CCNJL: variants seen among roughly 807,000 people sequenced by gnomAD.
CCNJL encodes cyclin J like.
Under a neutral mutation model 33.4 loss-of-function variants are expected in CCNJL, and 33 were observed. That is an observed-to-expected ratio of 0.99 (90% CI 0.75 to 1.32). The LOEUF (loss-of-function observed/expected upper bound fraction) is 1.32, where lower values mean the gene tolerates loss of function less well. Ranked by LOEUF, CCNJL falls within the 40% of genes most tolerant of loss-of-function variation. CCNJL has a pLI of 0.00. For missense variants in CCNJL, 512 were observed against 499.7 expected, an observed-to-expected ratio of 1.02 and a Z score of -0.23; for synonymous variants, 227 against 220.9, an observed-to-expected ratio of 1.03 and a Z score of -0.24.
chr5:160,301,123 G>A (rs557975047), intron 2 of CCNJL, among the ~76,000 whole-genome samples: 3 of 152,272 alleles, frequency 2.0e-5, no homozygotes, highest in South Asian at 2.1e-4. Flanking sequence ...AATGGTGCAC[G>A]AGAAGCAACT....
intron 1 of CCNJL, among the ~76,000 whole-genome samples, chr5:160,327,426 C>G (rs569631965): frequency 1.3e-3 from 203 of 152,370 alleles, no homozygotes; most frequent in African/African-American, 4.7e-3. Flanking sequence ...ACCACTGATA[C>G]CTGTTGCACA....
intron 1 of CCNJL, among the ~76,000 whole-genome samples, chr5:160,320,863 T>TTCTC (rs1763440808): frequency 7.1e-6 from 1 of 141,230 alleles, no homozygotes; most frequent in African/African-American, 2.7e-5. Flanking sequence ...CTTTCTTTCT[T>TTCTC]TCTTTCTCTC....
intron 2 of CCNJL, among the ~76,000 whole-genome samples, chr5:160,293,858 G>A (rs1204800202): frequency 6.6e-6 from 1 of 152,022 alleles, no homozygotes; most frequent in Non-Finnish European, 1.5e-5. Context: ...CAACCACTTC[G>A]TAAACAGCTC....
intron 1 of CCNJL, among the ~76,000 whole-genome samples, chr5:160,332,261 T>C (rs1763616176): frequency 1.3e-5 from 2 of 152,174 alleles, no homozygotes; most frequent in Non-Finnish European, 2.9e-5. Context: ...GAGGACACAC[T>C]GGCCATCTGG....
chr5:160,311,151 C>A (rs915988223), intron 2 of CCNJL, among the ~76,000 whole-genome samples: 1 of 152,166 alleles, frequency 6.6e-6, no homozygotes. Flanking sequence ...CAGCCCTTCT[C>A]TCCTTGAGGG....
At chr5:160,337,149 A>G (rs2113486659) in intron 1 of CCNJL, among the ~76,000 whole-genome samples, 1 of 149,810 alleles carries the variant, frequency 6.7e-6, no homozygotes, top group Non-Finnish European at 1.5e-5. Context: ...GGCTACAGGC[A>G]CGTACCACCA....
chr5:160,300,059 C>A (rs998713942), intron 2 of CCNJL, among the ~76,000 whole-genome samples: 1 of 152,092 alleles, frequency 6.6e-6, no homozygotes, highest in Admixed American at 6.6e-5. Context: ...CCTTCCTCCT[C>A]GTGTCCCCCC....
At chr5:160,335,752 T>A (rs1362559566) in intron 1 of CCNJL, among the ~76,000 whole-genome samples, 1 of 148,178 alleles carries the variant, frequency 6.7e-6, no homozygotes, top group Admixed American at 6.7e-5. Context: ...TTTTGAAATT[T>A]TTTTTTTTTT....
chr5:160,291,385 G>A (rs1161212187), intron 2 of CCNJL, among the ~76,000 whole-genome samples: 2 of 152,168 alleles, frequency 1.3e-5, no homozygotes, highest in African/African-American at 4.8e-5. Flanking sequence ...ATACTACATT[G>A]CTCCTTAAAG....
intron 2 of CCNJL, among the ~76,000 whole-genome samples, chr5:160,305,846 T>A (rs561463578): frequency 2.7e-4 from 41 of 152,346 alleles, no homozygotes; most frequent in African/African-American, 7.5e-4. Context: ...GCACACTGCC[T>A]GAAATCTAGA....
intron 1 of CCNJL, among the ~76,000 whole-genome samples, chr5:160,321,794 T>C (rs1046530767): frequency 2.0e-5 from 3 of 151,962 alleles, no homozygotes; most frequent in African/African-American, 4.8e-5. Context: ...AAAAAATTAG[T>C]TGGGTGTGGA....
chr5:160,270,147 C>T (rs1761773273), intron 3 of CCNJL, among the ~76,000 whole-genome samples: 1 of 148,930 alleles, frequency 6.7e-6, no homozygotes. Flanking sequence ...CTTGTCTCTA[C>T]CAAAAAAAAA....
At chr5:160,299,066 C>T (rs532430204) in intron 2 of CCNJL, among the ~76,000 whole-genome samples, 1 of 152,072 alleles carries the variant, frequency 6.6e-6, no homozygotes, top group South Asian at 2.1e-4. Flanking sequence ...GCAGCCTGGA[C>T]CTCCCGTGCT....
chr5:160,292,214 C>A (rs1382185919), intron 2 of CCNJL, among the ~76,000 whole-genome samples: 1 of 152,204 alleles, frequency 6.6e-6, no homozygotes, highest in Admixed American at 6.5e-5. Flanking sequence ...GCTTCTCATA[C>A]CTTCCCGCAA....
At chr5:160,262,831 T>C (rs1761403460) in intron 3 of CCNJL, among the ~76,000 whole-genome samples, 1 of 152,222 alleles carries the variant, frequency 6.6e-6, no homozygotes, top group African/African-American at 2.4e-5. Context: ...CCTCCCTTCC[T>C]CCTGGGACTG....
At chr5:160,278,111 TAGTC>T (rs1357050734) in intron 3 of CCNJL, among the ~76,000 whole-genome samples, 2 of 152,178 alleles carry the variant, frequency 1.3e-5, no homozygotes, top group Non-Finnish European at 2.9e-5. Flanking sequence ...TTCTCCATGT[TAGTC>T]AGGCTGGTCT....
intron 1 of CCNJL, among the ~76,000 whole-genome samples, chr5:160,333,532 A>T (rs560019322): frequency 2.1e-4 from 32 of 151,634 alleles, no homozygotes; most frequent in Non-Finnish European, 3.7e-4. Flanking sequence ...TCAAGGCTGC[A>T]GTCACCCATG....
chr5:160,282,571 T>C (rs1762251490), intron 2 of CCNJL, among the ~76,000 whole-genome samples: 1 of 152,116 alleles, frequency 6.6e-6, no homozygotes. Flanking sequence ...TAAAAGACTG[T>C]ATCCAGAACA....
In CCNJL at chr5:160,312,504, A is replaced by C. The variant is rs1763305467; in HGVS notation, c.-190T>G. The stretch of plus-strand genomic sequence containing the variant: ...CGACGGCCGCCTCCGCAGCCCGACT[A>C]GCCCCCGCCGTCGCCGCGCCCCTGC... On this transcript the variant is annotated 5_prime_UTR_variant, in exon 1 of 6. Transcript: ENST00000257536. The C allele has an allele frequency of 6.6e-6, 1 of 151,598 alleles. No individual in the cohort carries two copies. The allele number at this position is 151,598 out of a possible 1,614,324, so 9.4% of individuals were successfully genotyped here.
Sources: allele counts gnomAD v4.1 joint callset (sites outside exome capture counted in the v4.1 genomes callset), GRCh38; gene constraint gnomAD v4.1.1; transcripts MANE v1.5; gene names NCBI Gene and HGNC (gene_info 2026-07-23, HGNC 2026-07-21).